Variants in RAB18 observed in about 807,000 individuals in gnomAD.
RAB18 encodes the protein ras-related protein Rab-18.
Under a neutral mutation model 28.5 loss-of-function variants are expected in RAB18, and 10 were observed. That is an observed-to-expected ratio of 0.35 (90% confidence interval 0.22 to 0.60). The LOEUF is 0.60. RAB18 is among the 20% of genes least tolerant of loss of function. RAB18 has a pLI of 0.78. For missense variants in RAB18, 188 were observed against 244.2 expected, an observed-to-expected ratio of 0.77 and a Z score of 1.53; for synonymous variants, 93 against 86.9, an observed-to-expected ratio of 1.07 and a Z score of -0.39.
intron 2 of RAB18, among the ~76,000 whole-genome samples, chr10:27,518,477 G>A (rs922476367): frequency 1.3e-5 from 2 of 152,064 alleles, no homozygotes; most frequent in Non-Finnish European, 2.9e-5. Context: ...AGATCTCATT[G>A]TGGTTTAATT....
chr10:27,505,935 A>G (rs1228950288), intron 1 of RAB18, among the ~76,000 whole-genome samples: 2 of 152,212 alleles, frequency 1.3e-5, no homozygotes, highest in Non-Finnish European at 2.9e-5. Context: ...AAGGAATAGA[A>G]TAATGAAATA....
At chr10:27,506,448 A>C (rs1445422912) in intron 1 of RAB18, among the ~76,000 whole-genome samples, 1 of 151,966 alleles carries the variant, frequency 6.6e-6, no homozygotes, top group South Asian at 2.1e-4. Context: ...CAGCCTTTTG[A>C]GTAGCTGGAC....
intron 2 of RAB18, among the ~76,000 whole-genome samples, chr10:27,514,924 G>A (rs1011511947): frequency 1.3e-5 from 2 of 151,952 alleles, no homozygotes; most frequent in African/African-American, 2.4e-5. Context: ...CACCATGCCC[G>A]GGTGATCTTT....
At chr10:27,505,910 G>A (rs1837819500) in intron 1 of RAB18, among the ~76,000 whole-genome samples, 1 of 152,104 alleles carries the variant, frequency 6.6e-6, no homozygotes, top group Admixed American at 6.5e-5. Flanking sequence ...CTGGAATGAA[G>A]GATTTGCACA....
chr10:27,507,978 C>G (rs1451027580), intron 1 of RAB18, among the ~76,000 whole-genome samples: 1 of 150,378 alleles, frequency 6.6e-6, no homozygotes, highest in African/African-American at 2.5e-5. Flanking sequence ...GATTCTGCCA[C>G]TGCATTCCAG....
At position 27,539,759 on chromosome 10, in the gene RAB18, G is replaced by T. The variant is rs773688495; in HGVS notation, c.*1708G>T. 1 of 449,982 alleles carries T rather than the reference G, an allele frequency of 2.2e-6. No homozygotes were observed. The highest frequency in any genetic ancestry group is 1.6e-5 in the South Asian group (1 of 63,186). 27.9% of individuals were successfully genotyped at this position (449,982 alleles called of 1,614,324 possible). A position where few individuals can be genotyped will look rare whatever the true frequency, so the allele number is the denominator to read the frequency against. The stretch of plus-strand genomic sequence containing the variant: ...TGAGTTACTTGAATATAACAAAAAT[G>T]AATTTTGTTTGATAGATTTATATTG... On this transcript the variant is annotated 3_prime_UTR_variant, in exon 7 of 7. Coordinates refer to ENST00000356940, the MANE Select transcript of RAB18 (RefSeq NM_021252.5).
chr10:27,538,965 T>C lies in RAB18; in HGVS notation c.*914T>C, dbSNP rs572738116. Reference sequence around the variant, plus strand: ...CGGCTTCCATAATGGCTAGTTGATATTCAAAAACCTATTTCTGTGTTTTGA... The same window carrying C: ...CGGCTTCCATAATGGCTAGTTGATACTCAAAAACCTATTTCTGTGTTTTGA... On this transcript the variant is annotated 3_prime_UTR_variant, in exon 7 of 7. Transcript: ENST00000356940. The C allele has an allele frequency of 4.5e-6, 2 of 446,140 alleles. No homozygotes were observed. The highest frequency in any genetic ancestry group is 3.1e-5 in the South Asian group (2 of 63,688). The allele number at this position is 446,140 out of a possible 1,614,324, so 27.6% of individuals were successfully genotyped here.
rs1834996121 is a variant in RAB18, at chr10:27,540,321, A to G, written c.*2270A>G. On this transcript the variant is annotated 3_prime_UTR_variant, in exon 7 of 7. Coordinates refer to ENST00000356940, the MANE Select transcript of RAB18 (RefSeq NM_021252.5). Reference sequence around the variant, plus strand: ...ATGTAGGTATGTTAGGTAACCCCCAAAGATCACATAGCTACTCAGTCACTG... The same window carrying G: ...ATGTAGGTATGTTAGGTAACCCCCAGAGATCACATAGCTACTCAGTCACTG... 1 of 453,900 alleles carries G rather than the reference A, an allele frequency of 2.2e-6. No individual in the cohort carries two copies. The highest frequency in any genetic ancestry group is 2.0e-5 in the African/African-American group (1 of 49,950). 28.1% of individuals were successfully genotyped at this position (453,900 alleles called of 1,614,324 possible).
chr10:27,522,240 CT>C (rs1209485287), intron 2 of RAB18, among the ~76,000 whole-genome samples: 2 of 152,070 alleles, frequency 1.3e-5, no homozygotes, highest in Admixed American at 6.5e-5. Flanking sequence ...TATTGGACTT[CT>C]GTTCTGTGGT....
At chr10:27,529,181 T>G (rs1465960557) in intron 3 of RAB18, among the ~76,000 whole-genome samples, 2 of 151,914 alleles carry the variant, frequency 1.3e-5, no homozygotes, top group Admixed American at 1.3e-4. Flanking sequence ...TACAGATTTT[T>G]TTTTCCAGTT....
intron 6 of RAB18, among the ~76,000 whole-genome samples, chr10:27,535,575 G>A (rs1180017020): frequency 2.0e-5 from 3 of 152,124 alleles, no homozygotes; most frequent in South Asian, 2.1e-4. Flanking sequence ...GGGAAGCAGC[G>A]GTGTGACCTG....
intron 3 of RAB18, among the ~76,000 whole-genome samples, chr10:27,530,405 T>G (rs2132403349): frequency 6.6e-6 from 1 of 151,570 alleles, no homozygotes; most frequent in African/African-American, 2.4e-5. Flanking sequence ...GTCTTTTCAG[T>G]AATGGCTTTT....
chr10:27,514,137 G>A (rs922896815), intron 2 of RAB18: 4 of 152,090 alleles, frequency 2.6e-5, no homozygotes, highest in African/African-American at 9.7e-5. Flanking sequence ...ACAAATATCA[G>A]GTTCTGGACA....
At chr10:27,523,265 C>A in intron 2 of RAB18, among the ~76,000 whole-genome samples, 1 of 79,520 alleles carries the variant, frequency 1.3e-5, no homozygotes, top group East Asian at 5.5e-4. Flanking sequence ...TTTTCTTCTT[C>A]TTTTTTTTTT....
intron 2 of RAB18, among the ~76,000 whole-genome samples, chr10:27,511,029 A>G (rs548849582): frequency 3.9e-5 from 6 of 152,312 alleles, no homozygotes; most frequent in Non-Finnish European, 5.9e-5. Context: ...CAACGTCTGC[A>G]TACTTTAATG....
At chr10:27,531,339 T>G (rs557055174) in intron 3 of RAB18, among the ~76,000 whole-genome samples, 3 of 152,160 alleles carry the variant, frequency 2.0e-5, no homozygotes, top group African/African-American at 7.2e-5. Flanking sequence ...TCCTCCCTAC[T>G]GTCTTGCTGA....
chr10:27,537,747 G>A (rs1358672702), intron 6 of RAB18, 129 bp from the exon 7 acceptor site: 3 of 749,912 alleles, frequency 4.0e-6, no homozygotes, highest in East Asian at 5.4e-5. Flanking sequence ...TGACCTTTGG[G>A]GAAAAATTGC....
At chr10:27,530,621 TTGAG>T (rs925369965) in intron 3 of RAB18, among the ~76,000 whole-genome samples, 1 of 151,956 alleles carries the variant, frequency 6.6e-6, no homozygotes, top group Non-Finnish European at 1.5e-5. Context: ...ACATTTTTTA[TTGAG>T]TATGAATCAG....
chr10:27,540,678 A>C lies in RAB18; in HGVS notation c.*2627A>C. 1 of 454,092 alleles carries C rather than the reference A, an allele frequency of 2.2e-6. No homozygotes were observed. The allele number at this position is 454,092 out of a possible 1,614,324, so 28.1% of individuals were successfully genotyped here. On this transcript the variant is annotated 3_prime_UTR_variant, in exon 7 of 7. Transcript: ENST00000356940. The stretch of plus-strand genomic sequence containing the variant: ...AAGTTAGGGGACTTATGGTACCTTC[A>C]CTTTTTATGTGAGAATAGAAATTAT...
Sources: allele counts gnomAD v4.1 joint callset (sites outside exome capture counted in the v4.1 genomes callset), GRCh38; gene constraint gnomAD v4.1.1; transcripts MANE v1.5; gene names NCBI Gene and HGNC (gene_info 2026-07-23, HGNC 2026-07-21).